CTNND2: variants seen among roughly 807,000 people sequenced by gnomAD.
CTNND2 encodes the protein catenin delta-2.
Under a neutral mutation model 144.4 loss-of-function variants are expected in CTNND2, and 22 were observed. That is an observed-to-expected ratio of 0.15 (90% CI 0.11 to 0.22). The LOEUF (loss-of-function observed/expected upper bound fraction) is 0.22. CTNND2 is among the 10% of genes least tolerant of loss of function. CTNND2 has a pLI of 1.00. For synonymous variants in CTNND2, 751 were observed against 695.6 expected, an observed-to-expected ratio of 1.08 and a Z score of -1.25; for missense variants, 1,353 against 1,618.8, an observed-to-expected ratio of 0.84 and a Z score of 2.82.
At chr5:11,546,881 T>A (rs193072127) in intron 3 of CTNND2, among the ~76,000 whole-genome samples, 8 of 152,300 alleles carry the variant, frequency 5.3e-5, no homozygotes, top group Non-Finnish European at 7.4e-5. Flanking sequence ...AATGACAGTC[T>A]GCTCAACAGC....
At chr5:11,783,111 G>A (rs891353872) in intron 1 of CTNND2, among the ~76,000 whole-genome samples, 4 of 152,132 alleles carry the variant, frequency 2.6e-5, no homozygotes, top group African/African-American at 9.7e-5. Context: ...AGATCCCGGA[G>A]AGAAGAGAGA....
At chr5:11,076,964 T>C (rs890193102) in intron 16 of CTNND2, among the ~76,000 whole-genome samples, 3 of 152,234 alleles carry the variant, frequency 2.0e-5, no homozygotes, top group Non-Finnish European at 4.4e-5. Context: ...ATGCATCTAG[T>C]AAATTTATAG....
At chr5:11,143,796 C>G (rs774015148) in intron 12 of CTNND2, among the ~76,000 whole-genome samples, 1 of 152,216 alleles carries the variant, frequency 6.6e-6, no homozygotes, top group Non-Finnish European at 1.5e-5. Flanking sequence ...GATTTTTGCA[C>G]TTGTTGGAGC....
At chr5:11,228,070 G>C (rs1351915427) in intron 10 of CTNND2, among the ~76,000 whole-genome samples, 1 of 151,576 alleles carries the variant, frequency 6.6e-6, no homozygotes, top group African/African-American at 2.4e-5. Context: ...GGCTGGGCGT[G>C]ATGGTTCATG....
intron 7 of CTNND2, among the ~76,000 whole-genome samples, chr5:11,379,252 G>C (rs1312806600): frequency 2.0e-5 from 3 of 152,132 alleles, no homozygotes; most frequent in Non-Finnish European, 2.9e-5. Context: ...AAAATAATGA[G>C]TCACTTAAAT....
chr5:11,739,376 G>C (rs548107569), intron 1 of CTNND2, among the ~76,000 whole-genome samples: 2 of 152,250 alleles, frequency 1.3e-5, no homozygotes, highest in South Asian at 4.2e-4. Context: ...CTGAGTGACC[G>C]GCCATCAGCC....
At position 11,293,174 on chromosome 5, in the gene CTNND2, A is replaced by G. The variant is rs75222003; in HGVS notation, c.1628+53198T>C. 4.5e-3 allele frequency among the ~76,000 whole-genome samples: 688 copies of G among 152,284 alleles called. 2 individuals are homozygous for G. Among genetic ancestry groups the G allele is most frequent in the African/African-American group, 0.016 (655 of 41,554 alleles). On this transcript the variant is annotated intron_variant, in intron 9 of 21. Coordinates refer to ENST00000304623, the MANE Select transcript of CTNND2 (RefSeq NM_001332.4). ...CTCAGATAAGCTCAGCTATTTATCA[A>G]TAGCAGAGCAAACCAAAACATCTGT...
chr5:11,051,590 C>G (rs1045844014), intron 16 of CTNND2, among the ~76,000 whole-genome samples: 2 of 152,192 alleles, frequency 1.3e-5, no homozygotes, highest in Non-Finnish European at 2.9e-5. Flanking sequence ...GAAAATTCAT[C>G]TAATAACTGA....
rs561697696 is a variant in CTNND2, at chr5:11,332,166, T to G, written c.1628+14206A>C. On this transcript the variant is annotated intron_variant, in intron 9 of 21. Coordinates refer to ENST00000304623, the MANE Select transcript of CTNND2 (RefSeq NM_001332.4). Reference sequence around the variant, plus strand: ...GGCGGGTACCTGTAATCCCAGCTACTTGGGAGGCTGAGGCAGGAGAATCGC... The same window carrying G: ...GGCGGGTACCTGTAATCCCAGCTACGTGGGAGGCTGAGGCAGGAGAATCGC... 2.6e-4 allele frequency among the ~76,000 whole-genome samples: 39 copies of G among 151,676 alleles called. 1 individual carries two copies. Among genetic ancestry groups the G allele is most frequent in the African/African-American group, 7.7e-4 (32 of 41,324 alleles).
At chr5:11,466,482 A>T (rs1412159644) in intron 3 of CTNND2, among the ~76,000 whole-genome samples, 1 of 152,190 alleles carries the variant, frequency 6.6e-6, no homozygotes, top group African/African-American at 2.4e-5. Flanking sequence ...CTATAATCAA[A>T]TCCACACTAG....
In CTNND2 at chr5:10,996,425, C is replaced by A. The variant is rs368376203; in HGVS notation, c.3085-3748G>T. Among the ~76,000 whole-genome samples the A allele has an allele frequency of 6.4e-5, 9 of 140,400 alleles. No individual in the cohort carries two copies. In the Admixed American group the frequency reaches 7.0e-4, roughly 11 times the overall value. 92.1% of individuals were successfully genotyped at this position (140,400 alleles called of 152,430 possible). ...AGCAATGAGGAGGGGGCAAGAAAGA[C>A]GACTGCTCCAAGAAGGACGTCTGTT... On this transcript the variant is annotated intron_variant, in intron 18 of 21. Coordinates refer to ENST00000304623, the MANE Select transcript of CTNND2 (RefSeq NM_001332.4).
chr5:11,268,854 G>C (rs1175283086), intron 9 of CTNND2, among the ~76,000 whole-genome samples: 1 of 152,098 alleles, frequency 6.6e-6, no homozygotes, highest in Non-Finnish European at 1.5e-5. Context: ...TCATTGCAGG[G>C]AGCAATGTGC....
At chr5:11,278,328 T>C (rs192412376) in intron 9 of CTNND2, among the ~76,000 whole-genome samples, 2 of 152,350 alleles carry the variant, frequency 1.3e-5, no homozygotes, top group Non-Finnish European at 2.9e-5. Context: ...TCCTATTTCC[T>C]TGTCTTTCAT....
At chr5:11,580,059 A>T (rs1301116046) in intron 2 of CTNND2, among the ~76,000 whole-genome samples, 1 of 152,200 alleles carries the variant, frequency 6.6e-6, no homozygotes, top group African/African-American at 2.4e-5. Flanking sequence ...ACTTAAGCCC[A>T]ATGAGTTAAA....
chr5:11,727,912 G>A (rs1787110842), intron 2 of CTNND2, among the ~76,000 whole-genome samples: 2 of 152,186 alleles, frequency 1.3e-5, no homozygotes, highest in East Asian at 1.9e-4. Flanking sequence ...GCAACGATAT[G>A]TGGCACTGGA....
chr5:11,716,305 T>A (rs1022097939), intron 2 of CTNND2, among the ~76,000 whole-genome samples: 5 of 152,210 alleles, frequency 3.3e-5, no homozygotes, highest in African/African-American at 1.2e-4. Context: ...TTAAATAGTT[T>A]AAATAATAAA....
intron 3 of CTNND2, among the ~76,000 whole-genome samples, chr5:11,489,713 T>C (rs1769204122): frequency 6.6e-6 from 1 of 152,172 alleles, no homozygotes; most frequent in African/African-American, 2.4e-5. Context: ...TTCACATAAA[T>C]TTATTCTCCA....
At chr5:11,699,056 C>A (rs577214151) in intron 2 of CTNND2, among the ~76,000 whole-genome samples, 8 of 151,408 alleles carry the variant, frequency 5.3e-5, no homozygotes, top group Non-Finnish European at 1.0e-4. Flanking sequence ...TGTTCCCCCA[C>A]ACACACATAG....
chr5:11,122,527 T>C (rs1754247809), intron 12 of CTNND2, among the ~76,000 whole-genome samples: 1 of 151,964 alleles, frequency 6.6e-6, no homozygotes, highest in Non-Finnish European at 1.5e-5. Context: ...AGTTGTCTCA[T>C]ACCCAGCCTA....
Sources: allele counts gnomAD v4.1 joint callset (sites outside exome capture counted in the v4.1 genomes callset), GRCh38; gene constraint gnomAD v4.1.1; transcripts MANE v1.5; gene names NCBI Gene and HGNC (gene_info 2026-07-23, HGNC 2026-07-21).